The following TSPAN5 variants were observed in gnomAD, a reference collection of about 807,000 sequenced individuals.
The protein encoded by TSPAN5 is tetraspanin-5.
Under a neutral mutation model 37.1 loss-of-function variants are expected in TSPAN5, and 10 were observed. That is an observed-to-expected ratio of 0.27 (90% CI 0.17 to 0.46). TSPAN5 has a LOEUF of 0.46. Ranked by LOEUF, TSPAN5 falls within the 20% of genes least tolerant of loss-of-function variation. The probability of loss-of-function intolerance (pLI) is 1.00; values close to 1 mark genes in which losing one functional copy is unlikely to be tolerated. For synonymous variants in TSPAN5, 110 were observed against 118.9 expected (o/e 0.93, Z 0.48); for missense variants, 195 against 326.6 (o/e 0.60, Z 3.11).
intron 2 of TSPAN5, among the ~76,000 whole-genome samples, chr4:98,506,886 G>C (rs1400412341): frequency 2.0e-5 from 3 of 152,162 alleles, no homozygotes; most frequent in African/African-American, 4.8e-5. Context: ...AAGCTGGGAG[G>C]AGGGGGCGGG....
chr4:98,521,166 G>A (rs970858878), intron 1 of TSPAN5, among the ~76,000 whole-genome samples: 5 of 152,158 alleles, frequency 3.3e-5, no homozygotes, highest in Admixed American at 1.3e-4. Context: ...TCCTGACTTC[G>A]TGATCCACCT....
chr4:98,484,179 C>A (rs1436330981), intron 3 of TSPAN5: 1 of 267,842 alleles, frequency 3.7e-6, no homozygotes, highest in South Asian at 4.3e-5. Flanking sequence ...TTGGCAGATA[C>A]CTACATGCCC....
At chr4:98,649,245 T>C (rs1757132412) in intron 1 of TSPAN5, among the ~76,000 whole-genome samples, 1 of 151,998 alleles carries the variant, frequency 6.6e-6, no homozygotes, top group African/African-American at 2.4e-5. Context: ...GAAAGAGAGG[T>C]ACTGCTCAGT....
chr4:98,512,440 G>A (rs1422898548), intron 1 of TSPAN5, among the ~76,000 whole-genome samples: 1 of 152,120 alleles, frequency 6.6e-6, no homozygotes, highest in African/African-American at 2.4e-5. Flanking sequence ...GGCATCAAAG[G>A]TATGTTTTCC....
Position 98,548,300 on chromosome 4 carries a change from C to T in TSPAN5, c.82-40572G>A, listed in dbSNP as rs149065254. Among the ~76,000 whole-genome samples the T allele has an allele frequency of 2.7e-3, 415 of 152,242 alleles. 4 individuals are homozygous for T. Among genetic ancestry groups the T allele is most frequent in the African/African-American group, 9.5e-3 (394 of 41,534 alleles). On this transcript the variant is annotated intron_variant, in intron 1 of 7. Coordinates refer to ENST00000305798, the MANE Select transcript of TSPAN5 (RefSeq NM_005723.4). ...AAACAAAACAATGATATTAACATTT[C>T]CTACTTATCTTTATTGTACTTCAGA... is the stretch of plus-strand genomic sequence containing the variant.
intron 2 of TSPAN5, among the ~76,000 whole-genome samples, chr4:98,503,115 T>C (rs1307154143): frequency 6.6e-6 from 1 of 151,882 alleles, no homozygotes; most frequent in African/African-American, 2.4e-5. Flanking sequence ...GGCTGAAATA[T>C]CACTGTGTCA....
At chr4:98,487,025 T>C (rs1752977834) in intron 2 of TSPAN5, 141 bp from the exon 3 acceptor site, 2 of 615,024 alleles carry the variant, frequency 3.3e-6, no homozygotes, top group Non-Finnish European at 5.2e-6. Context: ...TGATTAATAC[T>C]TAAGAGAGGA....
In TSPAN5 at chr4:98,471,077, T is replaced by C. The variant is rs1232847257; in HGVS notation, c.*1445A>G. ...GGGCAGGAGCGGCAGCACCAGGAAG[T>C]GGTTTCCCACTTTGTGTTACAGAGT... On this transcript the variant is annotated 3_prime_UTR_variant, in exon 8 of 8. Transcript: ENST00000305798. 1 of 152,190 alleles carries C rather than the reference T, an allele frequency of 6.6e-6. No homozygotes were observed. The highest frequency in any genetic ancestry group is 2.4e-5 in the African/African-American group (1 of 41,446). The allele number at this position is 152,190 out of a possible 1,614,324, so 9.4% of individuals were successfully genotyped here.
intron 1 of TSPAN5, among the ~76,000 whole-genome samples, chr4:98,508,825 T>C (rs1383842504): frequency 6.6e-6 from 1 of 152,116 alleles, no homozygotes; most frequent in East Asian, 1.9e-4. Context: ...ACTCCCGGAC[T>C]AGGGCTTTCC....
chr4:98,546,888 T>C (rs1417162791), intron 1 of TSPAN5, among the ~76,000 whole-genome samples: 1 of 152,170 alleles, frequency 6.6e-6, no homozygotes, highest in Non-Finnish European at 1.5e-5. Flanking sequence ...CTGATGTTTA[T>C]GTGGTAATTC....
intron 1 of TSPAN5, among the ~76,000 whole-genome samples, chr4:98,586,309 T>A (rs763243388): frequency 6.6e-6 from 1 of 152,230 alleles, no homozygotes; most frequent in Non-Finnish European, 1.5e-5. Context: ...TTCCTCTCCT[T>A]TTTCTACTAA....
chr4:98,472,997 A>C (rs1426487960), intron 7 of TSPAN5, among the ~76,000 whole-genome samples: 1 of 152,198 alleles, frequency 6.6e-6, no homozygotes, highest in African/African-American at 2.4e-5. Context: ...GTTCATATAC[A>C]TGTGCTATTA....
At chr4:98,588,508 T>C (rs1383067001) in intron 1 of TSPAN5, among the ~76,000 whole-genome samples, 3 of 152,242 alleles carry the variant, frequency 2.0e-5, no homozygotes, top group Admixed American at 1.3e-4. Flanking sequence ...TCTTTTGCTT[T>C]GAATATATTT....
intron 7 of TSPAN5, among the ~76,000 whole-genome samples, chr4:98,473,561 G>A (rs1026332721): frequency 6.6e-5 from 10 of 150,832 alleles, no homozygotes; most frequent in African/African-American, 1.2e-4. Flanking sequence ...CCGGGTTCAC[G>A]CCATTCTCCT....
At chr4:98,633,881 A>T (rs958481870) in intron 1 of TSPAN5, among the ~76,000 whole-genome samples, 5 of 152,266 alleles carry the variant, frequency 3.3e-5, no homozygotes, top group African/African-American at 1.2e-4. Flanking sequence ...GGAGTTCAAG[A>T]CCAGCCTGAC....
chr4:98,571,751 T>C (rs1443925375), intron 1 of TSPAN5, among the ~76,000 whole-genome samples: 1 of 152,114 alleles, frequency 6.6e-6, no homozygotes, highest in Admixed American at 6.5e-5. Flanking sequence ...ACTATCTACA[T>C]CATACGATTT....
chr4:98,485,762 C>CTTTTTTTTTTTTTTTTTTTTTTTT (rs766494512), intron 3 of TSPAN5, among the ~76,000 whole-genome samples: 1 of 86,602 alleles, frequency 1.2e-5, no homozygotes, highest in African/African-American at 4.5e-5. Context: ...CTTGGATATG[C>CTTTTTTTTTTTTTTTTTTTTTTTT]TTTTTTTTTT....
At chr4:98,615,055 A>C in intron 1 of TSPAN5, among the ~76,000 whole-genome samples, 1 of 152,214 alleles carries the variant, frequency 6.6e-6, no homozygotes, top group South Asian at 2.1e-4. Context: ...AATTTCAAGG[A>C]GGAAAGAGTC....
chr4:98,556,493 A>AG (rs1157655321), intron 1 of TSPAN5, among the ~76,000 whole-genome samples: 1 of 152,218 alleles, frequency 6.6e-6, no homozygotes, highest in East Asian at 1.9e-4. Context: ...CGTACCTGGC[A>AG]GGGGAGATTA....
Sources: gnomAD v4.1 joint callset for allele counts (sites outside exome capture counted in the v4.1 genomes callset) on GRCh38, gnomAD v4.1.1 for gene constraint, MANE v1.5 for transcripts, NCBI Gene and HGNC (gene_info 2026-07-23, HGNC 2026-07-21) for gene names.